The following PPP6R3 variants were observed in gnomAD, a reference collection of about 807,000 sequenced individuals.
PPP6R3 encodes the protein serine/threonine-protein phosphatase 6 regulatory subunit 3.
A neutral mutation model predicts 110.7 loss-of-function variants in PPP6R3; 38 were observed. That is an observed-to-expected ratio of 0.34 (90% CI 0.26 to 0.45). The LOEUF (loss-of-function observed/expected upper bound fraction) is 0.45. Ranked by LOEUF, PPP6R3 falls within the 20% of genes least tolerant of loss-of-function variation. The pLI, the probability that PPP6R3 is intolerant of heterozygous loss-of-function variation, is 1.00. For missense variants in PPP6R3, 870 were observed against 1,062.4 expected (o/e 0.82, Z 2.52); for synonymous variants, 369 against 373.5 (o/e 0.99, Z 0.14).
At chr11:68,603,554 C>T (rs774872101) in intron 22 of PPP6R3, 62 bp downstream of exon 22, 4 of 1,593,974 alleles carry the variant, frequency 2.5e-6, no homozygotes, top group Middle Eastern at 1.7e-4. Flanking sequence ...GGGGCAGAAA[C>T]CTCAAACATT....
rs539909574 is a variant in PPP6R3 at position 68,478,689 on chromosome 11, G to A, written c.-158+17862G>A. Reference sequence around the variant, plus strand: ...TTTTTTTTTGAGAAGATGGAGTCTCGCTTTGTCGCCCAGGCTGTAGTGCAG... The same window carrying A: ...TTTTTTTTTGAGAAGATGGAGTCTCACTTTGTCGCCCAGGCTGTAGTGCAG... On this transcript the variant is annotated intron_variant, in intron 1 of 23. Coordinates refer to ENST00000393800, the MANE Select transcript of PPP6R3 (RefSeq NM_001164161.2). Among the ~76,000 whole-genome samples, 9 of 94,934 alleles carry A rather than the reference G, an allele frequency of 9.5e-5. No individual in the cohort carries two copies. In the East Asian group the frequency reaches 2.6e-3, roughly 27 times the overall value. The allele number at this position is 94,934 out of a possible 152,430, so 62.3% of individuals were successfully genotyped here. A position where few individuals can be genotyped will look rare whatever the true frequency, so the allele number is the denominator to read the frequency against.
At chr11:68,483,931 G>T (rs1311210021) in intron 1 of PPP6R3, among the ~76,000 whole-genome samples, 1 of 152,168 alleles carries the variant, frequency 6.6e-6, no homozygotes, top group Non-Finnish European at 1.5e-5. Context: ...TCCTTTTACT[G>T]TCTGCATAGC....
chr11:68,586,114 A>AT (rs201309254), intron 15 of PPP6R3, among the ~76,000 whole-genome samples: 2 of 151,440 alleles, frequency 1.3e-5, no homozygotes, highest in African/African-American at 2.4e-5. Flanking sequence ...CTTAAAAAAA[A>AT]TTTTTTTTTG....
chr11:68,487,195 T>C (rs1288727475), intron 1 of PPP6R3, among the ~76,000 whole-genome samples: 2 of 152,236 alleles, frequency 1.3e-5, no homozygotes, highest in African/African-American at 2.4e-5. Context: ...TTTAGTGTAT[T>C]ACTCAATGCT....
chr11:68,488,158 A>G (rs2098960232), intron 1 of PPP6R3, among the ~76,000 whole-genome samples: 2 of 152,162 alleles, frequency 1.3e-5, no homozygotes, highest in South Asian at 2.1e-4. Context: ...AGCCTGCTCT[A>G]TCTGCAATTA....
At chr11:68,585,479 C>G (rs1285007768) in intron 15 of PPP6R3, among the ~76,000 whole-genome samples, 1 of 152,214 alleles carries the variant, frequency 6.6e-6, no homozygotes, top group Non-Finnish European at 1.5e-5. Context: ...GCCAGGATGA[C>G]AGTACTAGGA....
intron 1 of PPP6R3, among the ~76,000 whole-genome samples, chr11:68,467,472 G>T (rs1188828747): frequency 1.3e-5 from 2 of 152,242 alleles, no homozygotes; most frequent in East Asian, 1.9e-4. Flanking sequence ...GGAGAAAGCT[G>T]TGTGGGACTG....
At chr11:68,475,060 C>T (rs890799616) in intron 1 of PPP6R3, among the ~76,000 whole-genome samples, 4 of 152,226 alleles carry the variant, frequency 2.6e-5, no homozygotes, top group East Asian at 3.9e-4. Flanking sequence ...GAGGACCCTG[C>T]GGCCCTCTGC....
At chr11:68,543,933 A>AT (rs2153671189) in intron 3 of PPP6R3, among the ~76,000 whole-genome samples, 1 of 152,276 alleles carries the variant, frequency 6.6e-6, no homozygotes, top group South Asian at 2.1e-4. Flanking sequence ...TTCTAAAGCC[A>AT]TGGGGTCTGT....
chr11:68,583,195 G>C (rs1428685570), intron 15 of PPP6R3, 66 bp downstream of exon 15: 1 of 1,226,128 alleles, frequency 8.2e-7, no homozygotes. Context: ...TGCCTTTTAT[G>C]AATCAGCTTC....
At chr11:68,558,518 T>C (rs773497571) in intron 7 of PPP6R3, 48 bp from the exon 8 acceptor site, 2 of 1,227,234 alleles carry the variant, frequency 1.6e-6, no homozygotes, top group Admixed American at 1.9e-5. Flanking sequence ...CTGAGGTTGT[T>C]GGTGATAAGT....
chr11:68,614,908 T>C lies in PPP6R3; in HGVS notation c.*1791T>C, dbSNP rs1944958057. 1.3e-6 allele frequency: 1 copy of C among 773,282 alleles called. No individual in the cohort carries two copies. Among genetic ancestry groups the C allele is most frequent in the East Asian group, 2.9e-5 (1 of 34,004 alleles). The allele number at this position is 773,282 out of a possible 1,614,324, so 47.9% of individuals were successfully genotyped here. A position where few individuals can be genotyped will look rare whatever the true frequency, so the allele number is the denominator to read the frequency against. On this transcript the variant is annotated 3_prime_UTR_variant, in exon 24 of 24. Transcript: ENST00000393800. ...TGCTCTGGTCTCGCCTGGTGGTGAG[T>C]TTTGCCAGCCATGGCCAGGGTTTGG...
intron 16 of PPP6R3, among the ~76,000 whole-genome samples, chr11:68,589,933 A>C (rs1260892033): frequency 6.6e-6 from 1 of 152,360 alleles, no homozygotes; most frequent in Non-Finnish European, 1.5e-5. Context: ...TATTCTGTCC[A>C]TACCCCAGGA....
chr11:68,545,048 A>G (rs1247829409), intron 4 of PPP6R3, 24 bp downstream of exon 4: 1 of 1,545,846 alleles, frequency 6.5e-7, no homozygotes. Flanking sequence ...TCCAAAAGGT[A>G]AGTATTAGGG....
At chr11:68,562,036 T>G (rs561079253) in intron 8 of PPP6R3, among the ~76,000 whole-genome samples, 9 of 130,770 alleles carry the variant, frequency 6.9e-5, no homozygotes, top group Non-Finnish European at 1.5e-4. Context: ...TTGTAGAATA[T>G]CCTAAAGAAC....
At chr11:68,471,130 A>G (rs1187094813) in intron 1 of PPP6R3, among the ~76,000 whole-genome samples, 1 of 151,758 alleles carries the variant, frequency 6.6e-6, no homozygotes, top group African/African-American at 2.4e-5. Context: ...AAAAAATACA[A>G]AAAAATTAGC....
At chr11:68,471,310 A>G (rs2098790606) in intron 1 of PPP6R3, among the ~76,000 whole-genome samples, 1 of 151,662 alleles carries the variant, frequency 6.6e-6, no homozygotes, top group African/African-American at 2.4e-5. Context: ...AGAAAAAGAA[A>G]TAGGAGTCTT....
At chr11:68,588,273 C>T (rs1024529995) in intron 16 of PPP6R3, among the ~76,000 whole-genome samples, 7 of 151,872 alleles carry the variant, frequency 4.6e-5, no homozygotes, top group Non-Finnish European at 7.4e-5. Flanking sequence ...CTGAGGCAGG[C>T]GGATCACTTG....
chr11:68,470,792 T>A (rs1319345845), intron 1 of PPP6R3, among the ~76,000 whole-genome samples: 1 of 152,054 alleles, frequency 6.6e-6, no homozygotes, highest in Non-Finnish European at 1.5e-5. Flanking sequence ...TAAAGGATGA[T>A]ACCAGGGATT....
Sources: allele counts gnomAD v4.1 joint callset (sites outside exome capture counted in the v4.1 genomes callset), GRCh38; gene constraint gnomAD v4.1.1; transcripts MANE v1.5; gene names NCBI Gene and HGNC (gene_info 2026-07-23, HGNC 2026-07-21).